Variants in PTPRG observed in about 807,000 individuals in gnomAD.
PTPRG encodes the protein receptor-type tyrosine-protein phosphatase gamma.
A neutral mutation model predicts 165.3 loss-of-function variants in PTPRG; 102 were observed. The ratio of observed to expected loss-of-function variants is 0.62; its 90% confidence interval spans 0.53 to 0.73. The LOEUF (loss-of-function observed/expected upper bound fraction) is 0.73. Ranked by LOEUF, PTPRG falls within the 30% of genes least tolerant of loss-of-function variation. The pLI, the probability that PTPRG is intolerant of heterozygous loss-of-function variation, is 0.00. For synonymous variants in PTPRG, 675 were observed against 669.5 expected, an observed-to-expected ratio of 1.01 and a Z score of -0.13; for missense variants, 1,866 against 1,861.4, an observed-to-expected ratio of 1.00 and a Z score of -0.05.
chr3:61,625,855 C>G (rs1207061152), intron 1 of PTPRG, among the ~76,000 whole-genome samples: 1 of 152,166 alleles, frequency 6.6e-6, no homozygotes, highest in Non-Finnish European at 1.5e-5. Flanking sequence ...TTTACTGTTG[C>G]AGAACTTACT....
rs764982198 is a variant in PTPRG, at chr3:61,562,340, G to T, written c.53G>T (p.Ser18Ile). 2.5e-6 allele frequency: 4 copies of T among 1,613,628 alleles called. No individual in the cohort carries two copies. The highest frequency in any genetic ancestry group is 2.5e-6 in the Non-Finnish European group (3 of 1,179,720). ...CWWILFLKIT[S>I]SVLHYVVCFP... ...TGGATTTTGTTCCTGAAAATCACCA[G>T]TTCCGTGCTCCATTATGTCGTGTGC... Residue 18 changes from serine (S) to isoleucine (I), a missense_variant, in exon 1 of 30, where the codon AGT becomes ATT. Physicochemically the swap from Ser to Ile is moderately radical, Grantham distance 142 (BLOSUM62 -2). This residue lies in a region of PTPRG where 408 missense variants were observed against 376.2 expected (regional missense o/e 1.08). Coordinates refer to ENST00000474889, the MANE Select transcript of PTPRG (RefSeq NM_002841.4).
At chr3:61,839,189 T>C (rs2036551997) in intron 2 of PTPRG, among the ~76,000 whole-genome samples, 1 of 152,148 alleles carries the variant, frequency 6.6e-6, no homozygotes, top group Admixed American at 6.6e-5. Context: ...TCACAGAAAA[T>C]TACTTTTATT....
chr3:61,680,069 A>C (rs944765225), intron 1 of PTPRG, among the ~76,000 whole-genome samples: 2 of 152,228 alleles, frequency 1.3e-5, no homozygotes, highest in African/African-American at 2.4e-5. Flanking sequence ...ACTGATGAGC[A>C]GAGCAAACCA....
At chr3:62,083,456 C>G (rs934901643) in intron 5 of PTPRG, among the ~76,000 whole-genome samples, 1 of 152,130 alleles carries the variant, frequency 6.6e-6, no homozygotes, top group Non-Finnish European at 1.5e-5. Context: ...ACCTAAAATG[C>G]TGTTTCAAAA....
intron 1 of PTPRG, among the ~76,000 whole-genome samples, chr3:61,620,581 A>T (rs1333142229): frequency 6.6e-6 from 1 of 152,062 alleles, no homozygotes; most frequent in Non-Finnish European, 1.5e-5. Flanking sequence ...GTTCCAAAGT[A>T]ATGTCATTTG....
At chr3:61,588,746 C>G (rs1245706146) in intron 1 of PTPRG, among the ~76,000 whole-genome samples, 2 of 151,930 alleles carry the variant, frequency 1.3e-5, no homozygotes, top group Non-Finnish European at 2.9e-5. Context: ...GCGCCCGGCC[C>G]TAGGAGGGAT....
intron 5 of PTPRG, among the ~76,000 whole-genome samples, chr3:62,088,258 A>G (rs79022011): frequency 0.027 from 4,170 of 152,306 alleles, 196 homozygotes; most frequent in African/African-American, 0.095. Flanking sequence ...CACAACCAAC[A>G]GTTAGCAGCC....
In PTPRG at chr3:61,562,159, AGC is replaced by A; in HGVS notation, c.-125_-124del. 1 of 607,816 alleles carries A rather than the reference AGC, an allele frequency of 1.6e-6. No individual in the cohort carries two copies. Among genetic ancestry groups the A allele is most frequent in the Non-Finnish European group, 2.8e-6 (1 of 357,232 alleles). The allele number at this position is 607,816 out of a possible 1,614,324, so 37.7% of individuals were successfully genotyped here. On this transcript the variant is annotated 5_prime_UTR_variant, in exon 1 of 30. Coordinates refer to ENST00000474889, the MANE Select transcript of PTPRG (RefSeq NM_002841.4). ...GATTCCAAGGGGACTCGGGCCGCCG[AGC>A]GCGGGGGGCCCGTGGAGCGGGCGAG...
At chr3:62,078,050 AT>A in intron 4 of PTPRG, 112 bp from the exon 5 acceptor site, 1 of 717,242 alleles carries the variant, frequency 1.4e-6, no homozygotes, top group Non-Finnish European at 2.3e-6. Context: ...AGGTGAATAA[AT>A]TTGGCAAAAT....
intron 8 of PTPRG, among the ~76,000 whole-genome samples, chr3:62,185,552 C>T (rs572983398): frequency 2.6e-5 from 4 of 152,164 alleles, no homozygotes; most frequent in African/African-American, 4.8e-5. Flanking sequence ...GGGAAGTGGG[C>T]TGAGCAGAGG....
In PTPRG at chr3:62,218,901, G is replaced by A; in HGVS notation, c.2206G>A (p.Glu736Lys). 1 of 1,613,918 alleles carries A rather than the reference G, an allele frequency of 6.2e-7. No individual in the cohort carries two copies. The highest frequency in any genetic ancestry group is 2.2e-5 in the East Asian group (1 of 44,874). The change falls in exon 13 of 30, where the codon GAG (glutamate) becomes AAG (lysine). Residue 736 changes from glutamate (E) to lysine (K), a missense_variant. Physicochemically the swap from Glu to Lys is moderately conservative, Grantham distance 56 (BLOSUM62 1). This residue lies in a region of PTPRG where 1,452 missense variants were observed against 1,463.0 expected (regional missense o/e 0.99). Coordinates refer to ENST00000474889, the MANE Select transcript of PTPRG (RefSeq NM_002841.4). Reference sequence around the variant, plus strand: ...AAGCCGCCCTGCTCCAGGGAGGATGGAGTGGATCATCCCTCTGATTGTGGT... The same window carrying A: ...AAGCCGCCCTGCTCCAGGGAGGATGAAGTGGATCATCCCTCTGATTGTGGT... ...MISRPAPGRMEWIIPLIVVSA... is the reference protein window; with the variant it reads ...MISRPAPGRMKWIIPLIVVSA...
chr3:61,966,843 T>G (rs1226310538), intron 2 of PTPRG, among the ~76,000 whole-genome samples: 1 of 152,132 alleles, frequency 6.6e-6, no homozygotes, highest in East Asian at 1.9e-4. Flanking sequence ...TTGTTTCTGC[T>G]TAGCTTGTAC....
chr3:62,099,009 T>A (rs1457808112), intron 5 of PTPRG, among the ~76,000 whole-genome samples: 2 of 152,156 alleles, frequency 1.3e-5, no homozygotes, highest in Non-Finnish European at 2.9e-5. Context: ...TTTGTTGTAA[T>A]TTAGAATTTA....
chr3:61,824,367 T>C (rs1054636092), intron 2 of PTPRG, among the ~76,000 whole-genome samples: 4 of 152,236 alleles, frequency 2.6e-5, no homozygotes, highest in African/African-American at 9.6e-5. Flanking sequence ...GCAACCTTCC[T>C]TCACAAACCC....
In PTPRG at chr3:61,833,338, A is replaced by G. The variant is rs146216282; in HGVS notation, c.190+84356A>G. On this transcript the variant is annotated intron_variant, in intron 2 of 29. Transcript: ENST00000474889. ...AGTGTGCATGTGCTTGATATAGCAA[A>G]TCTGCTTAAAAACGTGCAGAAGAAA... Among the ~76,000 whole-genome samples the G allele has an allele frequency of 4.3e-3, 657 of 152,278 alleles. 3 individuals are homozygous for G. The highest frequency in any genetic ancestry group is 0.014 in the African/African-American group (598 of 41,544).
At chr3:61,611,121 C>T (rs979163374) in intron 1 of PTPRG, among the ~76,000 whole-genome samples, 9 of 152,198 alleles carry the variant, frequency 5.9e-5, no homozygotes, top group South Asian at 2.1e-4. Context: ...TTTTTCTAAA[C>T]GGCAAAAGCA....
intron 5 of PTPRG, among the ~76,000 whole-genome samples, chr3:62,113,492 A>C (rs1702743246): frequency 6.6e-6 from 1 of 152,248 alleles, no homozygotes; most frequent in Admixed American, 6.5e-5. Context: ...AAATCGTAAA[A>C]TACACATACC....
At chr3:61,717,766 C>T (rs183318629) in intron 1 of PTPRG, among the ~76,000 whole-genome samples, 28 of 151,526 alleles carry the variant, frequency 1.8e-4, no homozygotes, top group Non-Finnish European at 3.7e-4. Context: ...TCCAGCCTGG[C>T]GACAGAGCCA....
chr3:61,588,593 G>A (rs982039604), intron 1 of PTPRG, among the ~76,000 whole-genome samples: 1 of 151,884 alleles, frequency 6.6e-6, no homozygotes, highest in Non-Finnish European at 1.5e-5. Flanking sequence ...CTACAGGCCT[G>A]CACCACCACT....
Sources: gnomAD v4.1 joint callset for allele counts (sites outside exome capture counted in the v4.1 genomes callset) on GRCh38, gnomAD v4.1.1 for gene constraint, gnomAD v4.1.1 regional missense constraint, MANE v1.5 for transcripts, NCBI Gene and HGNC (gene_info 2026-07-23, HGNC 2026-07-21) for gene names.